DOCK8: variants seen among roughly 807,000 people sequenced by gnomAD.
The protein encoded by DOCK8 is dedicator of cytokinesis protein 8.
A neutral mutation model predicts 245.6 loss-of-function variants in DOCK8; 141 were observed. The ratio of observed to expected loss-of-function variants is 0.57; its 90% CI spans 0.50 to 0.66. The LOEUF (loss-of-function observed/expected upper bound fraction) is 0.66. DOCK8 is among the 30% of genes least tolerant of loss of function. The pLI, the probability that DOCK8 is intolerant of heterozygous loss-of-function variation, is 0.00. For missense variants in DOCK8, 2,965 were observed against 2,603.4 expected (o/e 1.14, Z -3.02); for synonymous variants, 1,168 against 970.2 (o/e 1.20, Z -3.79).
intron 26 of DOCK8, among the ~76,000 whole-genome samples, chr9:403,061 T>C (rs1407205534): frequency 6.6e-6 from 1 of 152,068 alleles, no homozygotes; most frequent in African/African-American, 2.4e-5. Flanking sequence ...CGCTAATTTT[T>C]GCATTTTTAG....
chr9:385,251 C>G (rs1301939221), intron 22 of DOCK8, among the ~76,000 whole-genome samples: 1 of 152,122 alleles, frequency 6.6e-6, no homozygotes, highest in Non-Finnish European at 1.5e-5. Flanking sequence ...GACATGAGTG[C>G]AAAAACTGGT....
In DOCK8 at chr9:455,690, C is replaced by G. The variant is rs143330090; in HGVS notation, c.6068+3573C>G. On this transcript the variant is annotated intron_variant, in intron 46 of 47. Transcript: ENST00000432829. ...TTTCACATTTCTCCCTATTACCTCT[C>G]CCTCCTTCCCTGAGGGCTTAATCTC... Among the ~76,000 whole-genome samples the G allele has an allele frequency of 1.9e-3, 295 of 152,184 alleles. 2 individuals carry two copies. Among genetic ancestry groups the G allele is most frequent in the African/African-American group, 6.5e-3 (268 of 41,522 alleles).
chr9:218,637 A>G (rs1209143739), intron 1 of DOCK8, among the ~76,000 whole-genome samples: 2 of 152,218 alleles, frequency 1.3e-5, no homozygotes, highest in African/African-American at 2.4e-5. Context: ...TATAAAAATT[A>G]TTACTAGTAC....
rs117116250 is a variant in DOCK8, at chr9:388,210, C to T, written c.2874+1784C>T. On this transcript the variant is annotated intron_variant, in intron 23 of 47. Coordinates refer to ENST00000432829, the MANE Select transcript of DOCK8 (RefSeq NM_203447.4). ...GTGTAGTCCAGTTATAATATGTGCA[C>T]AGTTAGACCACCTGCTAGACTAAAA... is the stretch of plus-strand genomic sequence containing the variant. Among the ~76,000 whole-genome samples the T allele has an allele frequency of 6.6e-3, 1,006 of 152,318 alleles. 12 individuals are homozygous for T. Among genetic ancestry groups the T allele is most frequent in the South Asian group, 0.021 (103 of 4,828 alleles).
chr9:449,193 A>G (rs919267807), intron 44 of DOCK8, among the ~76,000 whole-genome samples: 4 of 152,180 alleles, frequency 2.6e-5, no homozygotes, highest in Non-Finnish European at 4.4e-5. Flanking sequence ...TCTACTAAAA[A>G]TACAAAATTA....
At chr9:222,230 T>G (rs964848141) in intron 1 of DOCK8, among the ~76,000 whole-genome samples, 1 of 151,328 alleles carries the variant, frequency 6.6e-6, no homozygotes, top group Non-Finnish European at 1.5e-5. Context: ...GCCACTACTC[T>G]CCAGCCTGGG....
At chr9:455,190 G>C (rs1011172109) in intron 46 of DOCK8, among the ~76,000 whole-genome samples, 4 of 152,168 alleles carry the variant, frequency 2.6e-5, no homozygotes, top group African/African-American at 9.7e-5. Context: ...CGTCACCTGA[G>C]GATTTGTCAA....
chr9:323,750 G>A (rs1244161151), intron 7 of DOCK8, among the ~76,000 whole-genome samples: 1 of 152,174 alleles, frequency 6.6e-6, no homozygotes, highest in East Asian at 1.9e-4. Flanking sequence ...CATGTAAGGG[G>A]AATCATGAAG....
chr9:329,248 G>T (rs1037700201), intron 9 of DOCK8, among the ~76,000 whole-genome samples: 4 of 151,978 alleles, frequency 2.6e-5, no homozygotes, highest in African/African-American at 9.7e-5. Flanking sequence ...CACTGTGCCC[G>T]GCCGTAAAAT....
intron 1 of DOCK8, among the ~76,000 whole-genome samples, chr9:239,697 C>A (rs933368954): frequency 6.6e-6 from 1 of 152,124 alleles, no homozygotes; most frequent in African/African-American, 2.4e-5. Flanking sequence ...TCAAAATTAT[C>A]TCTAATTCTT....
intron 28 of DOCK8, 97 bp downstream of exon 28, chr9:407,166 C>G (rs1401440802): frequency 1.3e-6 from 2 of 1,533,664 alleles, no homozygotes; most frequent in South Asian, 1.2e-5. Flanking sequence ...GTAAAAAACT[C>G]TACTGTAGTT....
intron 9 of DOCK8, 32 bp downstream of exon 9, chr9:328,203 G>C: frequency 1.9e-6 from 3 of 1,599,894 alleles, no homozygotes; most frequent in South Asian, 1.1e-5. Context: ...TGCCCAATCT[G>C]ATGTTTTCAT....
chr9:230,522 G>A (rs2047089717), intron 1 of DOCK8, among the ~76,000 whole-genome samples: 1 of 152,072 alleles, frequency 6.6e-6, no homozygotes, highest in African/African-American at 2.4e-5. Flanking sequence ...CACCAACAGT[G>A]TAAAAGTGTT....
At chr9:399,361 T>C (rs72705610) in intron 26 of DOCK8, 102 bp downstream of exon 26, 5 of 856,160 alleles carry the variant, frequency 5.8e-6, no homozygotes, top group Non-Finnish European at 3.9e-6. Context: ...CATTACTGAG[T>C]TGGCATGAAT....
chr9:285,799 A>G (rs755977674), intron 2 of DOCK8, among the ~76,000 whole-genome samples: 2 of 152,214 alleles, frequency 1.3e-5, no homozygotes, highest in East Asian at 3.8e-4. Flanking sequence ...ATTTAGCTAT[A>G]TGAAAACTCA....
chr9:449,798 G>T lies in DOCK8; in HGVS notation c.5832G>T (p.Pro1944=). ...VIQKEEFVLT[P]IEVAIEDMKK... ...CTCATGTTCAGTTTGTTTTGACACCGATTGAAGTTGCCATTGAAGACATGA... is the reference window on the plus strand; with the variant it reads ...CTCATGTTCAGTTTGTTTTGACACCTATTGAAGTTGCCATTGAAGACATGA... Residue 1944 remains proline (P), a synonymous_variant, in exon 45 of 48, where the codon CCG becomes CCT. Transcript: ENST00000432829. The T allele has an allele frequency of 5.0e-6, 8 of 1,612,768 alleles. No individual in the cohort carries two copies. Among genetic ancestry groups the T allele is most frequent in the Non-Finnish European group, 6.8e-6 (8 of 1,179,974 alleles).
chr9:353,675 CA>C (rs978712089), intron 14 of DOCK8, among the ~76,000 whole-genome samples: 2 of 149,656 alleles, frequency 1.3e-5, no homozygotes, highest in African/African-American at 2.5e-5. Flanking sequence ...CTGGTGGCCT[CA>C]AAAAAAAAGA....
intron 46 of DOCK8, among the ~76,000 whole-genome samples, chr9:455,608 G>A (rs1244708335): frequency 6.6e-6 from 1 of 152,096 alleles, no homozygotes; most frequent in East Asian, 1.9e-4. Context: ...TGCTGCTGCT[G>A]CTACACTGGA....
chr9:420,485 C>G lies in DOCK8; in HGVS notation c.3925C>G (p.Gln1309Glu). 1.2e-6 allele frequency: 2 copies of G among 1,614,118 alleles called. No individual in the cohort carries two copies. The highest frequency in any genetic ancestry group is 1.1e-5 in the South Asian group (1 of 91,078). Reference protein sequence around the residue: ...CFLWIMKNADQSLIRKWIADL... With the variant: ...CFLWIMKNADESLIRKWIADL... Reference sequence around the variant, plus strand: ...CCTCTGGATCATGAAAAATGCTGATCAGAGCCTCATTAGGAAGTGGATTGC... The same window carrying G: ...CCTCTGGATCATGAAAAATGCTGATGAGAGCCTCATTAGGAAGTGGATTGC... The change falls in exon 31 of 48, where the codon CAG becomes GAG. Residue 1309 changes from glutamine (Q) to glutamate (E), a missense_variant. Around this residue, in one of 3 missense-constraint regions of DOCK8, gnomAD observed 2,825 missense variants for 2,453.5 expected, o/e 1.15. Coordinates refer to ENST00000432829, the MANE Select transcript of DOCK8 (RefSeq NM_203447.4).
Sources: allele counts gnomAD v4.1 joint callset (sites outside exome capture counted in the v4.1 genomes callset), GRCh38; gene constraint gnomAD v4.1.1; regional missense constraint gnomAD v4.1.1; transcripts MANE v1.5; gene names NCBI Gene and HGNC (gene_info 2026-07-23, HGNC 2026-07-21).